Variants in MTERF3 observed in about 807,000 individuals in gnomAD.
The protein encoded by MTERF3 is mitochondrial transcription termination factor 3.
A neutral mutation model predicts 40.5 loss-of-function variants in MTERF3; 40 were observed. That is an observed-to-expected ratio of 0.99 (90% CI 0.77 to 1.29). The LOEUF is 1.29. Ranked by LOEUF, MTERF3 falls within the 50% of genes most tolerant of loss-of-function variation. The probability of loss-of-function intolerance (pLI) is 0.00; values close to 1 mark genes in which losing one functional copy is unlikely to be tolerated. For synonymous variants in MTERF3, 158 were observed against 166.6 expected (o/e 0.95, Z 0.40); for missense variants, 452 against 478.2 (o/e 0.95, Z 0.51).
At chr8:96,255,081 T>C (rs1243541329) in intron 3 of MTERF3, among the ~76,000 whole-genome samples, 1 of 152,100 alleles carries the variant, frequency 6.6e-6, no homozygotes, top group African/African-American at 2.4e-5. Flanking sequence ...TGGGAAGGTT[T>C]TGAAGGATTT....
chr8:96,251,013 T>C lies in MTERF3; in HGVS notation c.570A>G (p.Gln190=), dbSNP rs142585174. 2.7e-4 allele frequency: 438 copies of C among 1,605,678 alleles called. 3 individuals are homozygous for C. The African/African-American group carries it at 5.3e-3, about 19-fold the overall frequency. Residue 190 remains glutamine, a synonymous_variant, in exon 4 of 8, where the codon CAA becomes CAG. Coordinates refer to ENST00000287025, the MANE Select transcript of MTERF3 (RefSeq NM_015942.5). ...LRLDFEKDIK[Q]MLLFLKDVGI... ...CCACATCTTTAAGAAACAGAAGCATTTGCTTAATGTCTTTTTCAAAATCCA... is the reference window on the plus strand; with the variant it reads ...CCACATCTTTAAGAAACAGAAGCATCTGCTTAATGTCTTTTTCAAAATCCA...
chr8:96,258,763 G>C, intron 1 of MTERF3, 63 bp from the exon 2 acceptor site: 2 of 1,217,978 alleles, frequency 1.6e-6, no homozygotes, highest in Non-Finnish European at 2.3e-6. Flanking sequence ...TGTTTAAAAC[G>C]GTATTCAAAC....
At chr8:96,241,407 G>A (rs147327692) in intron 7 of MTERF3, among the ~76,000 whole-genome samples, 2 of 148,164 alleles carry the variant, frequency 1.3e-5, no homozygotes, top group African/African-American at 5.0e-5. Context: ...AGACTCCATC[G>A]CAAAAAAAAA....
intron 4 of MTERF3, among the ~76,000 whole-genome samples, chr8:96,250,621 AAGAAGAAGAAGAAGAAGAAGAAG>A (rs1810135125): frequency 1.5e-4 from 2 of 13,684 alleles, no homozygotes; most frequent in African/African-American, 4.2e-4. Context: ...GAGGCAGAAG[AAGAAGAAGAAGAAGAAGAAGAAG>A]AAGAAGAAGA....
At chr8:96,243,735 T>A (rs1586163254) in intron 7 of MTERF3, among the ~76,000 whole-genome samples, 184 bp downstream of exon 7, 2 of 152,200 alleles carry the variant, frequency 1.3e-5, no homozygotes, top group Non-Finnish European at 2.9e-5. Flanking sequence ...ATTCCAACAA[T>A]CAGAACTAGG....
intron 3 of MTERF3, among the ~76,000 whole-genome samples, chr8:96,251,708 C>T (rs1377166523): frequency 6.6e-6 from 1 of 152,062 alleles, no homozygotes; most frequent in Non-Finnish European, 1.5e-5. Flanking sequence ...AGTATACAAC[C>T]TTAAACCTCC....
intron 4 of MTERF3, among the ~76,000 whole-genome samples, chr8:96,248,068 A>G (rs1171078074): frequency 1.3e-5 from 2 of 152,270 alleles, no homozygotes; most frequent in Non-Finnish European, 2.9e-5. Context: ...AAAGTGTGAT[A>G]GCACTGTATC....
At chr8:96,261,251 A>T (rs1053414050) in intron 1 of MTERF3, among the ~76,000 whole-genome samples, 1 of 152,232 alleles carries the variant, frequency 6.6e-6, no homozygotes, top group African/African-American at 2.4e-5. Flanking sequence ...AGCCCACTTC[A>T]GTTCCCCAAA....
At chr8:96,249,723 G>A (rs1810088881) in intron 4 of MTERF3, among the ~76,000 whole-genome samples, 1 of 152,174 alleles carries the variant, frequency 6.6e-6, no homozygotes, top group Non-Finnish European at 1.5e-5. Flanking sequence ...CCAATTAGGA[G>A]ACCATTGCAG....
chr8:96,240,126 T>C (rs1437145450), intron 7 of MTERF3, among the ~76,000 whole-genome samples: 1 of 152,042 alleles, frequency 6.6e-6, no homozygotes, highest in African/African-American at 2.4e-5. Context: ...CGCATGCCTG[T>C]AATCCCAGCT....
In MTERF3 at chr8:96,245,938, T is replaced by G; in HGVS notation, c.826-7A>C. 1 of 1,613,092 alleles carries G rather than the reference T, an allele frequency of 6.2e-7. No homozygotes were observed. The highest frequency in any genetic ancestry group is 1.1e-5 in the South Asian group (1 of 90,850). On this transcript the variant is annotated splice_polypyrimidine_tract_variant and splice_region_variant and intron_variant, in intron 5 of 7. Transcript: ENST00000287025. ...GAACTACCAGATCTCTAGTCTGTGG[T>G]TGCAAACAAAACAATCTAGTATTAC...
At chr8:96,241,806 C>T (rs1809936277) in intron 7 of MTERF3, among the ~76,000 whole-genome samples, 1 of 152,114 alleles carries the variant, frequency 6.6e-6, no homozygotes. Context: ...TTATTGGTTC[C>T]CTCTAATCCT....
intron 2 of MTERF3, among the ~76,000 whole-genome samples, chr8:96,257,925 C>A (rs1226995770): frequency 6.6e-6 from 1 of 152,138 alleles, no homozygotes; most frequent in Non-Finnish European, 1.5e-5. Flanking sequence ...AAAAAGCGAC[C>A]ATGAGGGAAC....
At chr8:96,244,548 C>A (rs868654119) in intron 6 of MTERF3, among the ~76,000 whole-genome samples, 9 of 151,236 alleles carry the variant, frequency 6.0e-5, no homozygotes, top group African/African-American at 1.9e-4. Flanking sequence ...TTACAGGTGC[C>A]CACCACCATG....
chr8:96,261,067 A>G (rs1810376199), intron 1 of MTERF3, among the ~76,000 whole-genome samples: 1 of 152,250 alleles, frequency 6.6e-6, no homozygotes, highest in African/African-American at 2.4e-5. Flanking sequence ...GAAGTCTCTT[A>G]ACAATTCATA....
chr8:96,258,391 AT>A lies in MTERF3; in HGVS notation c.299del (p.Asn100IlefsTer11). ...SMNEQSQKTQNISSFDSELFL... is the reference protein window; with the variant it reads ...SMNEQSQKTQXISSFDSELFL... ...ACAGCTCAGAATCAAAGCTGGATAT[AT>A]TTTGTGTCTTCTGTGACTGTTCATT... On this transcript the variant is annotated frameshift_variant, in exon 2 of 8. Coordinates refer to ENST00000287025, the MANE Select transcript of MTERF3 (RefSeq NM_015942.5). LOFTEE classifies it high-confidence loss of function. 1 of 1,613,736 alleles carries A rather than the reference AT, an allele frequency of 6.2e-7. No homozygotes were observed. Among genetic ancestry groups the A allele is most frequent in the Non-Finnish European group, 8.5e-7 (1 of 1,179,678 alleles).
chr8:96,244,407 A>AT (rs1027696684), intron 6 of MTERF3, among the ~76,000 whole-genome samples: 144 of 144,452 alleles, frequency 1.0e-3, no homozygotes, highest in Middle Eastern at 3.8e-3. Flanking sequence ...CCTGGCCATG[A>AT]TTTTTTTTTT....
chr8:96,246,659 CACTTAT>C (rs2129890298), intron 4 of MTERF3, among the ~76,000 whole-genome samples: 1 of 152,262 alleles, frequency 6.6e-6, no homozygotes, highest in South Asian at 2.1e-4. Context: ...AGATGGTTTC[CACTTAT>C]ACTTAAAAAC....
intron 2 of MTERF3, among the ~76,000 whole-genome samples, chr8:96,257,528 C>T (rs1285023479): frequency 6.6e-6 from 1 of 152,164 alleles, no homozygotes; most frequent in Non-Finnish European, 1.5e-5. Flanking sequence ...TTTGTTTTGA[C>T]CCAATGCCCT....
Sources: gnomAD v4.1 joint callset for allele counts (sites outside exome capture counted in the v4.1 genomes callset) on GRCh38, gnomAD v4.1.1 for gene constraint, MANE v1.5 for transcripts, NCBI Gene and HGNC (gene_info 2026-07-23, HGNC 2026-07-21) for gene names.